Variants in PCDH7 observed in about 807,000 individuals in gnomAD.
PCDH7 encodes protocadherin-7.
PCDH7 carries 17 observed loss-of-function variants against 58.9 expected under a neutral mutation model. The observed-to-expected ratio is 0.29, with a 90% CI of 0.20 to 0.43. The LOEUF is 0.43. Ranked by LOEUF, PCDH7 falls within the 20% of genes least tolerant of loss-of-function variation. The pLI, the probability that PCDH7 is intolerant of heterozygous loss-of-function variation, is 1.00. For synonymous variants in PCDH7, 664 were observed against 616.4 expected (o/e 1.08, Z -1.14); for missense variants, 1,274 against 1,441.0 (o/e 0.88, Z 1.88).
intron 1 of PCDH7, among the ~76,000 whole-genome samples, chr4:30,838,904 A>G (rs1044978204): frequency 1.3e-5 from 2 of 152,082 alleles, no homozygotes; most frequent in African/African-American, 4.8e-5. Flanking sequence ...TATGGACTAT[A>G]GGGAGAAAAG....
At chr4:30,984,403 A>G (rs1750805993) in intron 3 of PCDH7, among the ~76,000 whole-genome samples, 1 of 152,204 alleles carries the variant, frequency 6.6e-6, no homozygotes, top group Non-Finnish European at 1.5e-5. Flanking sequence ...GGAAACCTAT[A>G]TTTGGTCTTG....
In PCDH7 at chr4:30,968,327, A is replaced by C. The variant is rs565613215; in HGVS notation, c.*7+18112A>C. ...CTATATATATATATACACTATATAT[A>C]TATATACACACACTATATATATATA... On this transcript the variant is annotated intron_variant, in intron 3 of 3. Transcript: ENST00000509759. Among the ~76,000 whole-genome samples the C allele has an allele frequency of 1.3e-3, 148 of 115,722 alleles. 1 individual carries two copies. The highest frequency in any genetic ancestry group is 2.2e-3 in the Non-Finnish European group (135 of 60,000). 75.9% of individuals were successfully genotyped at this position (115,722 alleles called of 152,430 possible). A position where few individuals can be genotyped will look rare whatever the true frequency, so the allele number is the denominator to read the frequency against.
chr4:30,834,365 A>G (rs1210194112), intron 1 of PCDH7, among the ~76,000 whole-genome samples: 1 of 152,240 alleles, frequency 6.6e-6, no homozygotes, highest in African/African-American at 2.4e-5. Flanking sequence ...ATAAAGCAAT[A>G]TATCAGATAC....
rs146963427 is a variant in PCDH7 at position 31,057,389 on chromosome 4, A to T, written c.*8-85084A>T. Among the ~76,000 whole-genome samples, 727 of 152,316 alleles carry T rather than the reference A, an allele frequency of 4.8e-3. 4 individuals carry two copies. The highest frequency in any genetic ancestry group is 0.016 in the African/African-American group (685 of 41,582). On this transcript the variant is annotated intron_variant, in intron 3 of 3. Coordinates refer to the PCDH7 transcript ENST00000509759. Reference sequence around the variant, plus strand: ...GTCACTTTCAACAGTAGTGATGCAGAGGTGGGTCATTGCATGAGTCTCCTG... The same window carrying T: ...GTCACTTTCAACAGTAGTGATGCAGTGGTGGGTCATTGCATGAGTCTCCTG...
At chr4:30,814,862 T>G (rs1727469425) in intron 1 of PCDH7, among the ~76,000 whole-genome samples, 1 of 152,156 alleles carries the variant, frequency 6.6e-6, no homozygotes, top group Admixed American at 6.5e-5. Context: ...CCATAATTTT[T>G]ATTAAAGCAA....
At chr4:30,817,467 C>T in intron 1 of PCDH7, among the ~76,000 whole-genome samples, 1 of 152,030 alleles carries the variant, frequency 6.6e-6, no homozygotes, top group South Asian at 2.1e-4. Context: ...CTTAATTTGT[C>T]CTTTTGTCTG....
downstream of PCDH7, chr4:31,142,973 C>T (rs1578911983): frequency 3.3e-6 from 2 of 598,870 alleles, no homozygotes; most frequent in East Asian, 1.2e-4. Flanking sequence ...GCTTTGCCTG[C>T]CACTTCTGCC....
chr4:31,123,284 G>C (rs1717904311), intron 3 of PCDH7, among the ~76,000 whole-genome samples: 1 of 151,990 alleles, frequency 6.6e-6, no homozygotes, highest in African/African-American at 2.4e-5. Context: ...ATATAATTAA[G>C]AATCAATATT....
At chr4:30,744,705 A>G (rs1466688074) in intron 1 of PCDH7, among the ~76,000 whole-genome samples, 1 of 152,238 alleles carries the variant, frequency 6.6e-6, no homozygotes, top group African/African-American at 2.4e-5. Context: ...TCAGTCCTGC[A>G]TCAGTCTTGC....
At chr4:31,058,993 T>A (rs1031230735) in intron 3 of PCDH7, among the ~76,000 whole-genome samples, 2 of 152,006 alleles carry the variant, frequency 1.3e-5, no homozygotes, top group African/African-American at 4.8e-5. Context: ...AGGCTCTAAT[T>A]CAATACTTAA....
chr4:30,835,646 G>A (rs1413035773), intron 1 of PCDH7, among the ~76,000 whole-genome samples: 2 of 152,062 alleles, frequency 1.3e-5, no homozygotes, highest in Non-Finnish European at 1.5e-5. Context: ...CAAGCCCAGG[G>A]CTTGGACATT....
chr4:31,034,412 A>G (rs1755213624), intron 3 of PCDH7, among the ~76,000 whole-genome samples: 1 of 152,228 alleles, frequency 6.6e-6, no homozygotes, highest in South Asian at 2.1e-4. Context: ...TACGATATAA[A>G]CAGAAATTGT....
chr4:31,119,926 A>T (rs1717458819), intron 3 of PCDH7, among the ~76,000 whole-genome samples: 2 of 150,534 alleles, frequency 1.3e-5, no homozygotes, highest in Admixed American at 6.6e-5. Context: ...CTTATCAGAA[A>T]GCTACTGGTC....
At chr4:30,729,708 C>G (rs866406888) in intron 1 of PCDH7, among the ~76,000 whole-genome samples, 1 of 152,070 alleles carries the variant, frequency 6.6e-6, no homozygotes, top group Middle Eastern at 3.4e-3. Flanking sequence ...TTGATAATTA[C>G]TTTTGACTTC....
chr4:30,879,107 G>A lies in PCDH7; in HGVS notation c.71-41046G>A, dbSNP rs185085214. Among the ~76,000 whole-genome samples, 5 of 141,992 alleles carry A rather than the reference G, an allele frequency of 3.5e-5. No individual in the cohort carries two copies. The East Asian group carries it at 9.8e-4, about 28-fold the overall frequency. 93.2% of individuals were successfully genotyped at this position (141,992 alleles called of 152,430 possible). A position where few individuals can be genotyped will look rare whatever the true frequency, so the allele number is the denominator to read the frequency against. Reference sequence around the variant, plus strand: ...CCACTGAACTTAGAGGGAGATGGAGGTTTCTCTGGAAATAATCAGTTAATA... The same window carrying A: ...CCACTGAACTTAGAGGGAGATGGAGATTTCTCTGGAAATAATCAGTTAATA... On this transcript the variant is annotated intron_variant, in intron 1 of 3. Transcript: ENST00000509759.
intron 1 of PCDH7, among the ~76,000 whole-genome samples, chr4:30,888,280 A>ACACG (rs1156692577): frequency 6.6e-6 from 1 of 151,934 alleles, no homozygotes; most frequent in Non-Finnish European, 1.5e-5. Context: ...CTTATGAAAC[A>ACACG]CACACACACA....
At chr4:30,920,242 G>C in exon 2 of PCDH7, 3 of 1,367,714 alleles carry the variant, frequency 2.2e-6, no homozygotes, top group Non-Finnish European at 2.9e-6. Context: ...GCGGGCTGGA[G>C]GAGTCAGAAA....
At chr4:30,903,809 G>T (rs1740536296) in intron 1 of PCDH7, among the ~76,000 whole-genome samples, 1 of 151,916 alleles carries the variant, frequency 6.6e-6, no homozygotes, top group African/African-American at 2.4e-5. Context: ...GCCTTACAAG[G>T]GATTCCAGAG....
chr4:31,029,851 G>T (rs1754751210), intron 3 of PCDH7, among the ~76,000 whole-genome samples: 1 of 152,080 alleles, frequency 6.6e-6, no homozygotes, highest in African/African-American at 2.4e-5. Context: ...ACTAGTCTAG[G>T]CCTCAGTCTT....
Sources: gnomAD v4.1 joint callset for allele counts (sites outside exome capture counted in the v4.1 genomes callset) on GRCh38, gnomAD v4.1.1 for gene constraint, MANE v1.5 for transcripts, NCBI Gene and HGNC (gene_info 2026-07-23, HGNC 2026-07-21) for gene names.